The following PCDHA7 variants were observed in gnomAD, a reference collection of about 807,000 sequenced individuals.
The protein encoded by PCDHA7 is protocadherin alpha-7.
A neutral mutation model predicts 57.2 loss-of-function variants in PCDHA7; 37 were observed. The ratio of observed to expected loss-of-function variants is 0.65; its 90% CI spans 0.50 to 0.85. The LOEUF (loss-of-function observed/expected upper bound fraction) is 0.85, where lower values mean the gene tolerates loss of function less well. Ranked by LOEUF, PCDHA7 falls within the 40% of genes least tolerant of loss-of-function variation. PCDHA7 has a pLI of 0.00. For synonymous variants in PCDHA7, 553 were observed against 558.8 expected, an observed-to-expected ratio of 0.99 and a Z score of 0.15; for missense variants, 1,188 against 1,241.8, an observed-to-expected ratio of 0.96 and a Z score of 0.65.
intron 1 of PCDHA7, chr5:140,870,038 A>G (rs1268813918): frequency 8.1e-6 from 13 of 1,613,620 alleles, no homozygotes; most frequent in Non-Finnish European, 1.1e-5. Flanking sequence ...TATGAAGAAA[A>G]CAAGTTTTAT....
chr5:140,839,229 TTTTTATTGCTTTGC>T (rs2150295605), intron 1 of PCDHA7, among the ~76,000 whole-genome samples: 8 of 151,928 alleles, frequency 5.3e-5, no homozygotes, highest in Non-Finnish European at 1.0e-4. Context: ...CTGTAATCTG[TTTTTATTGCTTTGC>T]TTTTATGCTT....
intron 3 of PCDHA7, among the ~76,000 whole-genome samples, chr5:141,000,542 C>T (rs1331109215): frequency 6.7e-6 from 1 of 148,268 alleles, no homozygotes; most frequent in Non-Finnish European, 1.5e-5. Context: ...ATTCTCATGC[C>T]TCAAACTCCC....
chr5:140,941,191 T>TTTCTTTCTTTCTTTCTTTC (rs1487503403), intron 1 of PCDHA7, among the ~76,000 whole-genome samples: 6 of 93,258 alleles, frequency 6.4e-5, no homozygotes, highest in Middle Eastern at 5.1e-3. Flanking sequence ...GCTTCTTTTT[T>TTTCTTTCTTTCTTTCTTTC]TTTCTTTCTT....
At chr5:140,944,003 C>T (rs1185007409) in intron 1 of PCDHA7, among the ~76,000 whole-genome samples, 1 of 152,038 alleles carries the variant, frequency 6.6e-6, no homozygotes, top group Admixed American at 6.6e-5. Flanking sequence ...CTACTGAGTA[C>T]CCCCCAAAAG....
At position 140,836,321 on chromosome 5, in the gene PCDHA7, C is replaced by T. The variant is rs781844463; in HGVS notation, c.1938C>T (p.Arg646=). 1 of 1,613,768 alleles carries T rather than the reference C, an allele frequency of 6.2e-7. No individual in the cohort carries two copies. The highest frequency in any genetic ancestry group is 8.5e-7 in the Non-Finnish European group (1 of 1,179,834). ...ALDETDAPRH[R]LLVLVKDHGE... The stretch of plus-strand genomic sequence containing the variant: ...ATGAGACGGACGCACCGCGCCACCG[C>T]CTTCTGGTGCTTGTGAAGGACCACG... Residue 646 remains arginine, a synonymous_variant, in exon 1 of 4, where the codon CGC becomes CGT. Coordinates refer to ENST00000525929, the MANE Select transcript of PCDHA7 (RefSeq NM_018910.3).
At chr5:140,868,930 G>A (rs966807738) in intron 1 of PCDHA7, 6 of 1,085,506 alleles carry the variant, frequency 5.5e-6, no homozygotes, top group East Asian at 5.1e-5. Context: ...TTCATTTAAA[G>A]GTTGGTCTGA....
chr5:140,865,854 C>T (rs1029695094), intron 1 of PCDHA7: 1 of 152,144 alleles, frequency 6.6e-6, no homozygotes, highest in Non-Finnish European at 1.5e-5. Context: ...TTTCTCTGCT[C>T]AAACATGGTC....
At chr5:140,949,271 TGAAAA>T (rs1377326965) in intron 1 of PCDHA7, among the ~76,000 whole-genome samples, 5 of 151,804 alleles carry the variant, frequency 3.3e-5, no homozygotes, top group Non-Finnish European at 5.9e-5. Flanking sequence ...CACGTGCACT[TGAAAA>T]GAATGTATAT....
At chr5:140,897,993 A>G (rs2066447415) in intron 1 of PCDHA7, among the ~76,000 whole-genome samples, 1 of 152,184 alleles carries the variant, frequency 6.6e-6, no homozygotes, top group African/African-American at 2.4e-5. Flanking sequence ...TCTTCTTTTG[A>G]GAAGTGTCTG....
At chr5:140,962,454 T>A (rs1554226040) in intron 1 of PCDHA7, among the ~76,000 whole-genome samples, 1 of 152,194 alleles carries the variant, frequency 6.6e-6, no homozygotes, top group Non-Finnish European at 1.5e-5. Flanking sequence ...TTGAATCTCT[T>A]ATGGCTTGAA....
chr5:140,943,131 G>T (rs1360196674), intron 1 of PCDHA7, among the ~76,000 whole-genome samples: 1 of 151,626 alleles, frequency 6.6e-6, no homozygotes, highest in Non-Finnish European at 1.5e-5. Flanking sequence ...GGTAGTGGGT[G>T]CCTGTAGTCC....
intron 1 of PCDHA7, chr5:140,843,679 C>A (rs2150364894): frequency 1.3e-6 from 2 of 1,589,886 alleles, no homozygotes; most frequent in African/African-American, 1.3e-5. Context: ...TTGATGTAGG[C>A]GAAGAGCAAG....
At chr5:140,878,399 A>T (rs1246599611) in intron 1 of PCDHA7, among the ~76,000 whole-genome samples, 2 of 152,238 alleles carry the variant, frequency 1.3e-5, no homozygotes, top group East Asian at 3.8e-4. Flanking sequence ...TTGCTCACAA[A>T]ATATCTTCTT....
intron 1 of PCDHA7, chr5:140,852,486 C>A: frequency 4.8e-6 from 1 of 209,724 alleles, no homozygotes; most frequent in Non-Finnish European, 9.1e-6. Flanking sequence ...TCATGTTGGC[C>A]AGGTTGGTCT....
At chr5:140,982,207 C>T (rs868956427) in intron 2 of PCDHA7, 8 of 429,564 alleles carry the variant, frequency 1.9e-5, no homozygotes, top group East Asian at 1.5e-4. Flanking sequence ...ATTTAGTGAG[C>T]GCCACATGGC....
intron 1 of PCDHA7, chr5:140,929,083 A>G (rs1554206659): frequency 1.2e-6 from 2 of 1,614,156 alleles, no homozygotes; most frequent in Admixed American, 3.3e-5. Context: ...TGGAAGTAAG[A>G]TGGTTTCAAA....
chr5:140,926,358 A>C (rs1157995876), intron 1 of PCDHA7: 1 of 152,230 alleles, frequency 6.6e-6, no homozygotes, highest in Non-Finnish European at 1.5e-5. Context: ...CGGCTCCCAA[A>C]GGGCGGCAGG....
At chr5:140,979,035 G>A in intron 2 of PCDHA7, 28 bp downstream of exon 2, 1 of 1,612,986 alleles carries the variant, frequency 6.2e-7, no homozygotes, top group Non-Finnish European at 8.5e-7. Flanking sequence ...CATTCACTCA[G>A]AAGTAACCTT....
intron 1 of PCDHA7, chr5:140,928,911 A>G: frequency 6.2e-7 from 1 of 1,614,184 alleles, no homozygotes; most frequent in Non-Finnish European, 8.5e-7. Flanking sequence ...TCTGGGAACC[A>G]GGAGGGCAGC....
Sources: allele counts gnomAD v4.1 joint callset (sites outside exome capture counted in the v4.1 genomes callset), GRCh38; gene constraint gnomAD v4.1.1; transcripts MANE v1.5; gene names NCBI Gene and HGNC (gene_info 2026-07-23, HGNC 2026-07-21).